The following PCBP2 variants were observed in gnomAD, a reference collection of about 807,000 sequenced individuals.
PCBP2 encodes poly(rC) binding protein 2.
A neutral mutation model predicts 50.1 loss-of-function variants in PCBP2; 4 were observed. The observed-to-expected ratio is 0.08, with a 90% CI of 0.04 to 0.18. The LOEUF is 0.18. Ranked by LOEUF, PCBP2 falls within the 10% of genes least tolerant of loss-of-function variation. PCBP2 has a pLI of 1.00. For synonymous variants in PCBP2, 179 were observed against 168.0 expected, an observed-to-expected ratio of 1.07 and a Z score of -0.51; for missense variants, 161 against 474.3, an observed-to-expected ratio of 0.34 and a Z score of 6.14.
intron 12 of PCBP2, 27 bp downstream of exon 12, chr12:53,467,870 T>C: frequency 1.3e-6 from 2 of 1,490,128 alleles, no homozygotes; most frequent in African/African-American, 1.4e-5. Context: ...AAAAAATCTG[T>C]AGTATTCTAC....
At chr12:53,460,321 G>T in intron 6 of PCBP2, 1 of 333,392 alleles carries the variant, frequency 3.0e-6, no homozygotes. Context: ...TCTTCTTTCT[G>T]TTGTTGTAGA....
intron 14 of PCBP2, chr12:53,476,216 C>T (rs994135308): frequency 1.3e-5 from 2 of 152,152 alleles, no homozygotes; most frequent in African/African-American, 2.4e-5. Flanking sequence ...CTGGCCGTAT[C>T]CTTTCTGCTC....
rs1315573262 is a variant in PCBP2 at position 53,467,271 on chromosome 12, G to T, written c.765G>T (p.Thr255=). 1 of 1,613,692 alleles carries T rather than the reference G, an allele frequency of 6.2e-7. No individual in the cohort carries two copies. The highest frequency in any genetic ancestry group is 1.3e-5 in the African/African-American group (1 of 74,878). ...TGCAACAGTCTCATTTTCCCATGAC[G>T]CATGGCAACACCGGATTCAGTGGTA... ...LAMQQSHFPM[T]HGNTGFSGIE... Residue 255 remains threonine, a synonymous_variant, in exon 11 of 15, where the codon ACG becomes ACT. Transcript: ENST00000546463.
chr12:53,468,817 C>T lies in PCBP2; in HGVS notation c.867C>T (p.Leu289=), dbSNP rs754837513. 6.2e-7 allele frequency: 1 copy of T among 1,613,012 alleles called. No homozygotes were observed. Among genetic ancestry groups the T allele is most frequent in the Non-Finnish European group, 8.5e-7 (1 of 1,179,056 alleles). ...DASAQTTSHE[L]TIPNDLIGCI... is the part of the protein sequence containing the mutation. ...CTGCTCAGACTACTTCTCATGAACT[C>T]ACCATTCCAAACGATGTAAGTGTAG... Residue 289 remains leucine, a synonymous_variant, in exon 13 of 15, where the codon CTC becomes CTT. Coordinates refer to ENST00000546463, the MANE Select transcript of PCBP2 (RefSeq NM_031989.5).
intron 5 of PCBP2, 135 bp from the exon 6 acceptor site, chr12:53,459,137 A>G (rs1941259972): frequency 1.6e-6 from 1 of 609,830 alleles, no homozygotes; most frequent in Non-Finnish European, 2.6e-6. Flanking sequence ...ATGGTATTTG[A>G]ACCTTTTGTC....
intron 6 of PCBP2, chr12:53,459,728 C>T (rs1021219000): frequency 1.8e-5 from 5 of 278,446 alleles, no homozygotes; most frequent in Admixed American, 1.8e-4. Context: ...GCTATAGTAG[C>T]AACGGTTTTT....
At chr12:53,472,688 C>G (rs1157378451) in intron 14 of PCBP2, among the ~76,000 whole-genome samples, 1 of 152,190 alleles carries the variant, frequency 6.6e-6, no homozygotes, top group African/African-American at 2.4e-5. Context: ...GTTCCTGAAT[C>G]TAGTACAGGG....
At position 53,471,667 on chromosome 12, in the gene PCBP2, C is replaced by T. The variant is rs749017140; in HGVS notation, c.912C>T (p.Gly304=). 6.8e-6 allele frequency: 11 copies of T among 1,613,106 alleles called. No individual in the cohort carries two copies. Among genetic ancestry groups the T allele is most frequent in the Middle Eastern group, 1.7e-4 (1 of 6,032 alleles). Residue 304 remains glycine (G), a synonymous_variant, in exon 14 of 15, where the codon GGC becomes GGT. Coordinates refer to ENST00000546463, the MANE Select transcript of PCBP2 (RefSeq NM_031989.5). ...TTGGCTGCATAATCGGGCGTCAAGGCGCCAAAATCAATGAGATCCGTCAGA... is the reference window on the plus strand; with the variant it reads ...TTGGCTGCATAATCGGGCGTCAAGGTGCCAAAATCAATGAGATCCGTCAGA... ...DLIGCIIGRQ[G]AKINEIRQMS...
At chr12:53,474,196 C>A (rs768970622) in intron 14 of PCBP2, among the ~76,000 whole-genome samples, 1 of 152,198 alleles carries the variant, frequency 6.6e-6, no homozygotes, top group Non-Finnish European at 1.5e-5. Context: ...TATGATCAGT[C>A]AGAAACAACT....
intron 5 of PCBP2, 130 bp downstream of exon 5, chr12:53,456,131 C>T: frequency 1.5e-6 from 1 of 663,728 alleles, no homozygotes; most frequent in South Asian, 1.8e-5. Context: ...TCCTTAGCTT[C>T]CTGTAGCCTC....
At chr12:53,476,481 A>G (rs560270977) in intron 14 of PCBP2, among the ~76,000 whole-genome samples, 1 of 152,292 alleles carries the variant, frequency 6.6e-6, no homozygotes, top group Non-Finnish European at 1.5e-5. Context: ...CTCTCATAAA[A>G]CAGTAGAAAT....
intron 2 of PCBP2, 104 bp downstream of exon 2, chr12:53,454,973 C>T (rs530419749): frequency 7.4e-6 from 7 of 940,296 alleles, no homozygotes; most frequent in Non-Finnish European, 1.2e-5. Flanking sequence ...TGTGGGGCAT[C>T]TGGCTTTAGC....
chr12:53,459,191 C>T (rs1163422347), intron 5 of PCBP2, 81 bp from the exon 6 acceptor site: 1 of 1,277,210 alleles, frequency 7.8e-7, no homozygotes, highest in Non-Finnish European at 1.1e-6. Flanking sequence ...GATCACTTAC[C>T]CTAATAAGGG....
intron 14 of PCBP2, chr12:53,475,420 T>G: frequency 3.1e-6 from 1 of 320,884 alleles, no homozygotes; most frequent in South Asian, 2.5e-5. Flanking sequence ...GGGTCTGACT[T>G]GAATTCTTTA....
intron 14 of PCBP2, chr12:53,475,081 C>G (rs1334710017): frequency 4.4e-6 from 2 of 456,360 alleles, no homozygotes; most frequent in Admixed American, 4.7e-5. Context: ...GGCATGAAAC[C>G]CATCCCTCTC....
intron 10 of PCBP2, 86 bp downstream of exon 10, chr12:53,466,059 T>C: frequency 1.8e-6 from 2 of 1,088,854 alleles, no homozygotes; most frequent in South Asian, 1.2e-5. Flanking sequence ...TAGCCAGAAG[T>C]GAGTTGGGTC....
At chr12:53,468,076 T>A (rs1941941457) in intron 12 of PCBP2, 2 of 513,206 alleles carry the variant, frequency 3.9e-6, no homozygotes, top group Middle Eastern at 4.9e-4. Flanking sequence ...TAAGCTTGAG[T>A]GTTAGCCAGC....
chr12:53,476,601 T>C (rs1942600042), intron 14 of PCBP2, among the ~76,000 whole-genome samples: 2 of 151,898 alleles, frequency 1.3e-5, no homozygotes, highest in South Asian at 4.2e-4. Flanking sequence ...GAGAACTCAG[T>C]GTAGAGATAG....
rs5798266 is a variant in PCBP2, at chr12:53,468,917, C to CTTTTTTTTTTTTTTTTTTTTT, written c.882+104_882+105insTTTTTTTTTTTTTTTTTTTTT. Reference sequence around the variant, plus strand: ...GTCGTTTCAGCAGTGTCCTGCTACCCTTTTTTTTTTTTTTTTTTTAAACAG... The same window carrying CTTTTTTTTTTTTTTTTTTTTT: ...GTCGTTTCAGCAGTGTCCTGCTACCCTTTTTTTTTTTTTTTTTTTTTTTTTTTTTTTTTTTTTTTTAAACAG... On this transcript the variant is annotated intron_variant, in intron 13 of 14. Transcript: ENST00000546463. 27 of 536,758 alleles carry CTTTTTTTTTTTTTTTTTTTTT rather than the reference C, an allele frequency of 5.0e-5. No homozygotes were observed. In the African/African-American group the frequency reaches 6.0e-4, roughly 12 times the overall value. 33.2% of individuals were successfully genotyped at this position (536,758 alleles called of 1,614,324 possible).
Sources: allele counts gnomAD v4.1 joint callset (sites outside exome capture counted in the v4.1 genomes callset), GRCh38; gene constraint gnomAD v4.1.1; transcripts MANE v1.5; gene names NCBI Gene and HGNC (gene_info 2026-07-23, HGNC 2026-07-21).